Variants in RAD51B observed in about 807,000 individuals in gnomAD.
The protein encoded by RAD51B is DNA repair protein RAD51 homolog 2.
Under a neutral mutation model 42.2 loss-of-function variants are expected in RAD51B, and 38 were observed. The observed-to-expected ratio is 0.90, with a 90% CI of 0.70 to 1.18. The LOEUF is 1.18. Among genes scored for constraint, RAD51B ranks in the 50% most tolerant of loss-of-function variants. The probability of loss-of-function intolerance (pLI) is 0.00; values close to 1 mark genes in which losing one functional copy is unlikely to be tolerated. For missense variants in RAD51B, 373 were observed against 400.7 expected, an observed-to-expected ratio of 0.93 and a Z score of 0.59; for synonymous variants, 154 against 145.2, an observed-to-expected ratio of 1.06 and a Z score of -0.43.
At chr14:67,936,693 C>T (rs956610903) in intron 7 of RAD51B, among the ~76,000 whole-genome samples, 1 of 152,162 alleles carries the variant, frequency 6.6e-6, no homozygotes, top group African/African-American at 2.4e-5. Flanking sequence ...CAAAGTCCTA[C>T]CAGCAGCGAG....
At chr14:68,014,391 G>A (rs1264547808) in intron 7 of RAD51B, among the ~76,000 whole-genome samples, 1 of 151,982 alleles carries the variant, frequency 6.6e-6, no homozygotes, top group Non-Finnish European at 1.5e-5. Context: ...TCTTCAGGAT[G>A]TGCCAGAGTG....
intron 7 of RAD51B, among the ~76,000 whole-genome samples, chr14:68,053,903 T>G (rs1036105119): frequency 2.0e-5 from 3 of 152,214 alleles, no homozygotes; most frequent in Non-Finnish European, 4.4e-5. Flanking sequence ...ATCAGGCTGA[T>G]GTATATGTGT....
rs561001802 is a variant in RAD51B at position 67,962,323 on chromosome 14, G to A, written c.756+75119G>A. Reference sequence around the variant, plus strand: ...ATATAGCAAAACTTCACTGAAATGAGGAACTGAACCTGCAGATCAAAAGAT... The same window carrying A: ...ATATAGCAAAACTTCACTGAAATGAAGAACTGAACCTGCAGATCAAAAGAT... On this transcript the variant is annotated intron_variant, in intron 7 of 10. Coordinates refer to ENST00000471583, the MANE Select transcript of RAD51B (RefSeq NM_133510.4). 1.3e-4 allele frequency among the ~76,000 whole-genome samples: 20 copies of A among 152,254 alleles called. No homozygotes were observed. The South Asian group carries it at 4.1e-3, about 32-fold the overall frequency.
chr14:68,570,768 A>T (rs1275528870), intron 10 of RAD51B, among the ~76,000 whole-genome samples: 2 of 152,202 alleles, frequency 1.3e-5, no homozygotes, highest in South Asian at 2.1e-4. Context: ...TAGTAAGAGA[A>T]TAATATGTGC....
chr14:68,578,104 A>T (rs1024265108), intron 10 of RAD51B, among the ~76,000 whole-genome samples: 1 of 152,272 alleles, frequency 6.6e-6, no homozygotes, highest in Non-Finnish European at 1.5e-5. Context: ...CGTTGCTAAC[A>T]GAAGTGAAAG....
chr14:68,389,031 C>T (rs974881701), intron 8 of RAD51B, among the ~76,000 whole-genome samples: 1 of 152,096 alleles, frequency 6.6e-6, no homozygotes, highest in African/African-American at 2.4e-5. Context: ...TGGCTCTCCC[C>T]GTCCCCAAAA....
chr14:68,264,709 A>G (rs1030481172), intron 7 of RAD51B, among the ~76,000 whole-genome samples: 9 of 152,166 alleles, frequency 5.9e-5, no homozygotes, highest in Admixed American at 5.9e-4. Context: ...CGGAGAAGAG[A>G]TTAGTAGAAA....
chr14:67,993,656 G>C (rs1318574859), intron 7 of RAD51B, among the ~76,000 whole-genome samples: 1 of 150,702 alleles, frequency 6.6e-6, no homozygotes, highest in Non-Finnish European at 1.5e-5. Flanking sequence ...AATAAATATG[G>C]GAGTGCAGAT....
intron 9 of RAD51B, among the ~76,000 whole-genome samples, chr14:68,440,121 A>G (rs571988565): frequency 1.5e-4 from 22 of 151,534 alleles, no homozygotes; most frequent in African/African-American, 5.4e-4. Context: ...TTTTGGCCTT[A>G]TTTGGCTAGT....
intron 7 of RAD51B, among the ~76,000 whole-genome samples, chr14:68,048,209 T>A (rs939109788): frequency 1.3e-5 from 2 of 152,254 alleles, no homozygotes; most frequent in Non-Finnish European, 2.9e-5. Context: ...GAGCATTTTT[T>A]CATGTGTCTG....
At chr14:67,976,504 A>G (rs1296339722) in intron 7 of RAD51B, among the ~76,000 whole-genome samples, 1 of 151,912 alleles carries the variant, frequency 6.6e-6, no homozygotes, top group Admixed American at 6.6e-5. Flanking sequence ...ATACATGTGC[A>G]CAACGTGCAG....
chr14:67,894,057 G>A (rs1273893176), intron 7 of RAD51B, among the ~76,000 whole-genome samples: 4 of 152,144 alleles, frequency 2.6e-5, no homozygotes, highest in Non-Finnish European at 5.9e-5. Context: ...CCTTGAATAA[G>A]TATTTATCCC....
chr14:68,123,669 A>C (rs538706880), intron 7 of RAD51B, among the ~76,000 whole-genome samples: 56 of 152,150 alleles, frequency 3.7e-4, no homozygotes, highest in Admixed American at 5.2e-4. Flanking sequence ...TTAGCTCGGC[A>C]TGGTGGCGCA....
chr14:68,550,432 A>G (rs1384999013), intron 10 of RAD51B, among the ~76,000 whole-genome samples: 1 of 152,254 alleles, frequency 6.6e-6, no homozygotes, highest in Middle Eastern at 3.2e-3. Flanking sequence ...AACCTCAGGT[A>G]TGGGACATCC....
At chr14:67,856,939 G>A (rs947735514) in intron 4 of RAD51B, among the ~76,000 whole-genome samples, 6 of 151,432 alleles carry the variant, frequency 4.0e-5, no homozygotes, top group Admixed American at 6.6e-5. Context: ...TGGTGTTTTC[G>A]CTGTGTAAAT....
chr14:68,150,164 C>G (rs1386673316), intron 7 of RAD51B, among the ~76,000 whole-genome samples: 1 of 152,194 alleles, frequency 6.6e-6, no homozygotes, highest in Non-Finnish European at 1.5e-5. Flanking sequence ...AGGCTAGTCT[C>G]AAACTCCTGA....
At chr14:68,529,922 G>A (rs894079834) in intron 10 of RAD51B, among the ~76,000 whole-genome samples, 4 of 151,952 alleles carry the variant, frequency 2.6e-5, no homozygotes, top group South Asian at 4.1e-4. Flanking sequence ...ATAAGAATTG[G>A]CAAATATGAA....
chr14:67,868,548 A>G (rs1413172302), intron 5 of RAD51B, among the ~76,000 whole-genome samples: 2 of 152,218 alleles, frequency 1.3e-5, no homozygotes, highest in Non-Finnish European at 2.9e-5. Flanking sequence ...TAGGTAAACA[A>G]AGCAGCCAGG....
intron 8 of RAD51B, among the ~76,000 whole-genome samples, chr14:68,410,447 G>GA (rs1410291018): frequency 3.9e-5 from 6 of 152,150 alleles, no homozygotes; most frequent in Admixed American, 2.6e-4. Flanking sequence ...TCTCCTCATA[G>GA]AAAAAAGATC....
Sources: gnomAD v4.1 joint callset for allele counts (sites outside exome capture counted in the v4.1 genomes callset) on GRCh38, gnomAD v4.1.1 for gene constraint, MANE v1.5 for transcripts, NCBI Gene and HGNC (gene_info 2026-07-23, HGNC 2026-07-21) for gene names.